SLC7A11: variants seen among roughly 807,000 people sequenced by gnomAD.
The protein encoded by SLC7A11 is solute carrier family 7 member 11.
Under a neutral mutation model 54.5 loss-of-function variants are expected in SLC7A11, and 35 were observed. That is an observed-to-expected ratio of 0.64 (90% CI 0.49 to 0.85). The LOEUF (loss-of-function observed/expected upper bound fraction) is 0.85. SLC7A11 is among the 40% of genes least tolerant of loss of function. SLC7A11 has a pLI of 0.00. For synonymous variants in SLC7A11, 230 were observed against 225.2 expected (o/e 1.02, Z -0.19); for missense variants, 583 against 618.1 (o/e 0.94, Z 0.60).
chr4:138,236,351 T>TCGTA lies in SLC7A11; in HGVS notation c.374_377dup (p.Val127ThrfsTer34). 1.2e-6 allele frequency: 2 copies of TCGTA among 1,613,480 alleles called. No homozygotes were observed. Among genetic ancestry groups the TCGTA allele is most frequent in the Non-Finnish European group, 1.7e-6 (2 of 1,179,612 alleles). On this transcript the variant is annotated frameshift_variant, in exon 2 of 12. Coordinates refer to ENST00000280612, the MANE Select transcript of SLC7A11 (RefSeq NM_014331.4). LOFTEE classifies it high-confidence loss of function. ...GTATTATGAGGAGTTCCACCCAGAC[T>TCGTA]CGTACAAAAGCTGGTAATGGACCAA...
intron 6 of SLC7A11, among the ~76,000 whole-genome samples, chr4:138,202,106 A>G (rs1053634395): frequency 6.6e-6 from 1 of 152,124 alleles, no homozygotes; most frequent in African/African-American, 2.4e-5. Context: ...AATGAATCAC[A>G]TAATAAAAGA....
chr4:138,219,941 C>CTTTTTTTTTTTTT (rs5862370), intron 4 of SLC7A11, among the ~76,000 whole-genome samples: 1 of 143,524 alleles, frequency 7.0e-6, no homozygotes. Context: ...GCAAGCCTTT[C>CTTTTTTTTTTTTT]TTTTTTTATT....
Position 138,180,804 on chromosome 4 carries a change from G to A in SLC7A11, c.1117-14C>T. On this transcript the variant is annotated splice_polypyrimidine_tract_variant and intron_variant, in intron 9 of 11. Transcript: ENST00000280612. ...TGTCAAAGGGTGCTGAGGGGGGAAAGGGAAGCAAGCTTGGTGAATTCAGTG... is the reference window on the plus strand; with the variant it reads ...TGTCAAAGGGTGCTGAGGGGGGAAAAGGAAGCAAGCTTGGTGAATTCAGTG... The A allele has an allele frequency of 6.2e-7, 1 of 1,606,166 alleles. No individual in the cohort carries two copies. The highest frequency in any genetic ancestry group is 8.5e-7 in the Non-Finnish European group (1 of 1,176,258).
intron 2 of SLC7A11, among the ~76,000 whole-genome samples, chr4:138,235,207 A>C (rs914459160): frequency 1.3e-5 from 2 of 152,184 alleles, no homozygotes; most frequent in Admixed American, 6.5e-5. Context: ...TGTGGGAAAG[A>C]AAGGATTTAA....
At chr4:138,236,529 GT>G in intron 1 of SLC7A11, 78 bp from the exon 2 acceptor site, 2 of 1,351,162 alleles carry the variant, frequency 1.5e-6, no homozygotes, top group Non-Finnish European at 2.0e-6. Context: ...ATACAATAAT[GT>G]TTATATGTTG....
At chr4:138,237,124 T>TA (rs1664641483) in intron 1 of SLC7A11, among the ~76,000 whole-genome samples, 1 of 151,170 alleles carries the variant, frequency 6.6e-6, no homozygotes, top group African/African-American at 2.4e-5. Flanking sequence ...AAGCTGGGAC[T>TA]ACAGGCGCCC....
chr4:138,236,287 G>A (rs1738203563), intron 2 of SLC7A11, 38 bp downstream of exon 2: 1 of 1,553,776 alleles, frequency 6.4e-7, no homozygotes, highest in Non-Finnish European at 8.7e-7. Flanking sequence ...AGAATGAATT[G>A]GTTTATTTTT....
At chr4:138,212,054 C>T (rs1420000603) in intron 6 of SLC7A11, among the ~76,000 whole-genome samples, 3 of 151,788 alleles carry the variant, frequency 2.0e-5, no homozygotes, top group Non-Finnish European at 2.9e-5. Context: ...AAAAAAGATA[C>T]ATGTTTGAGG....
chr4:138,219,121 T>C, intron 5 of SLC7A11, 145 bp downstream of exon 5: 1 of 564,382 alleles, frequency 1.8e-6, no homozygotes, highest in South Asian at 2.4e-5. Flanking sequence ...GAGGGGATAA[T>C]ACCTTATTTC....
chr4:138,241,872 A>G lies in SLC7A11; in HGVS notation c.198T>C (p.Pro66=), dbSNP rs1351307130. The change falls in exon 1 of 12, where the codon CCT becomes CCC. Residue 66 remains proline (P), a synonymous_variant. Transcript: ENST00000280612. The part of the protein sequence containing the change: ...TIIGAGIFIS[P]KGVLQNTGSV... ...TGCCCGTGTTCTGGAGCACGCCCTTAGGAGAGATGAAGATTCCTGCTCCAA... is the reference window on the plus strand; with the variant it reads ...TGCCCGTGTTCTGGAGCACGCCCTTGGGAGAGATGAAGATTCCTGCTCCAA... The G allele has an allele frequency of 3.7e-6, 6 of 1,614,004 alleles. No individual in the cohort carries two copies. The African/African-American group carries it at 6.7e-5, about 18-fold the overall frequency.
Position 138,214,565 on chromosome 4 carries a change from G to T in SLC7A11, c.791+20C>A. 1.4e-6 allele frequency: 2 copies of T among 1,416,616 alleles called. No individual in the cohort carries two copies. The highest frequency in any genetic ancestry group is 1.9e-6 in the Non-Finnish European group (2 of 1,038,980). The allele number at this position is 1,416,616 out of a possible 1,614,324, so 87.8% of individuals were successfully genotyped here. On this transcript the variant is annotated intron_variant, in intron 6 of 11. Coordinates refer to ENST00000280612, the MANE Select transcript of SLC7A11 (RefSeq NM_014331.4). ...AATTTTATTCTTCATAAAAATTTCA[G>T]GGTACATCTGGCTACTTACTTTTCA...
At chr4:138,224,911 A>G (rs1737907084) in intron 3 of SLC7A11, among the ~76,000 whole-genome samples, 1 of 151,932 alleles carries the variant, frequency 6.6e-6, no homozygotes, top group African/African-American at 2.4e-5. Flanking sequence ...AGGTGTTTAT[A>G]AGTGATAGAA....
chr4:138,170,893 CAGA>C lies in SLC7A11; in HGVS notation c.*1060_*1062del, dbSNP rs1339048882. ...AGTTTCATCTGAAGAGATATTTTAA[CAGA>C]AGAATATAAAATGTATAAAGAAAAT... On this transcript the variant is annotated 3_prime_UTR_variant, in exon 12 of 12. Transcript: ENST00000280612. The C allele has an allele frequency of 6.6e-6, 1 of 151,920 alleles. No individual in the cohort carries two copies. The highest frequency in any genetic ancestry group is 1.5e-5 in the Non-Finnish European group (1 of 67,964). 9.4% of individuals were successfully genotyped at this position (151,920 alleles called of 1,614,324 possible). A position where few individuals can be genotyped will look rare whatever the true frequency, so the allele number is the denominator to read the frequency against.
chr4:138,220,637 C>T (rs746309977), intron 4 of SLC7A11, among the ~76,000 whole-genome samples: 17 of 152,128 alleles, frequency 1.1e-4, no homozygotes, highest in African/African-American at 3.1e-4. Context: ...TTCAGATTTA[C>T]TTTAGTCAGT....
chr4:138,223,904 A>T lies in SLC7A11; in HGVS notation c.521-580T>A, dbSNP rs138750343. Among the ~76,000 whole-genome samples, 85 of 152,278 alleles carry T rather than the reference A, an allele frequency of 5.6e-4. 2 individuals are homozygous for T. The highest frequency in any genetic ancestry group is 1.9e-3 in the African/African-American group (80 of 41,552). Reference sequence around the variant, plus strand: ...ACCCACCGTACAAGTATAGTTTTTCAAGATATGTTTCAGGGCTTCAGCACA... The same window carrying T: ...ACCCACCGTACAAGTATAGTTTTTCTAGATATGTTTCAGGGCTTCAGCACA... On this transcript the variant is annotated intron_variant, in intron 3 of 11. Transcript: ENST00000280612.
Position 138,171,949 on chromosome 4 carries a change from C to T in SLC7A11, c.*7G>A. On this transcript the variant is annotated 3_prime_UTR_variant, in exon 12 of 12. Coordinates refer to ENST00000280612, the MANE Select transcript of SLC7A11 (RefSeq NM_014331.4). ...GGGCAGATTGCCAAGATCTCAAGTCCATTAGTTCATAACTTATCTTCTTCT... is the reference window on the plus strand; with the variant it reads ...GGGCAGATTGCCAAGATCTCAAGTCTATTAGTTCATAACTTATCTTCTTCT... 3 of 1,587,530 alleles carry T rather than the reference C, an allele frequency of 1.9e-6. No individual in the cohort carries two copies. Among genetic ancestry groups the T allele is most frequent in the Non-Finnish European group, 2.6e-6 (3 of 1,171,250 alleles).
chr4:138,206,871 T>C (rs894245386), intron 6 of SLC7A11, among the ~76,000 whole-genome samples: 2 of 151,872 alleles, frequency 1.3e-5, no homozygotes, highest in African/African-American at 2.4e-5. Flanking sequence ...CTCTTCTCTG[T>C]GACATCTGGC....
intron 11 of SLC7A11, among the ~76,000 whole-genome samples, chr4:138,173,449 A>T (rs1736487548): frequency 6.6e-6 from 1 of 151,946 alleles, no homozygotes; most frequent in Non-Finnish European, 1.5e-5. Context: ...AGCCCCACTA[A>T]CATGGAGAAA....
At chr4:138,232,517 T>C in intron 2 of SLC7A11, 135 bp from the exon 3 acceptor site, 1 of 622,358 alleles carries the variant, frequency 1.6e-6, no homozygotes. Flanking sequence ...AATTCCGTAC[T>C]TGATTAGGTT....
Sources: gnomAD v4.1 joint callset for allele counts (sites outside exome capture counted in the v4.1 genomes callset) on GRCh38, gnomAD v4.1.1 for gene constraint, MANE v1.5 for transcripts, NCBI Gene and HGNC (gene_info 2026-07-23, HGNC 2026-07-21) for gene names.